SETDB2: variants seen among roughly 807,000 people sequenced by gnomAD.
SETDB2 encodes the protein histone-lysine N-methyltransferase SETDB2.
SETDB2 carries 56 observed loss-of-function variants against 82.5 expected under a neutral mutation model. The observed-to-expected ratio is 0.68, with a 90% CI of 0.55 to 0.85. SETDB2 has a LOEUF of 0.85. SETDB2 is among the 40% of genes least tolerant of loss of function. SETDB2 has a pLI of 0.00. For missense variants in SETDB2, 677 were observed against 816.4 expected, an observed-to-expected ratio of 0.83 and a Z score of 2.08; for synonymous variants, 272 against 284.9, an observed-to-expected ratio of 0.95 and a Z score of 0.46.
In SETDB2 at chr13:49,485,982, T is replaced by C; in HGVS notation, c.1576+259T>C. On this transcript the variant is annotated intron_variant, in intron 11 of 13. Transcript: ENST00000611815. The stretch of plus-strand genomic sequence containing the variant: ...TGAAAAAAATCAGAAGGTGATAATA[T>C]TTTGACACTTGAAAATTATATGAAA... 1.1e-5 allele frequency: 7 copies of C among 612,832 alleles called. No individual in the cohort carries two copies. The South Asian group carries it at 1.4e-4, about 12-fold the overall frequency. 38.0% of individuals were successfully genotyped at this position (612,832 alleles called of 1,614,324 possible).
Position 49,476,969 on chromosome 13 carries a change from G to T in SETDB2, c.799G>T (p.Ala267Ser), listed in dbSNP as rs752491374. 3.1e-6 allele frequency: 5 copies of T among 1,613,658 alleles called. No individual in the cohort carries two copies. The highest frequency in any genetic ancestry group is 4.2e-6 in the Non-Finnish European group (5 of 1,179,980). ...FKYRKTVWPR[A>S]YNLTNFSSMF... ...GTACAGAAAGACTGTGTGGCCTCGA[G>T]CATATAATCTAACCAACTTTTCCAG... The change falls in exon 6 of 14, where the codon GCA (alanine) becomes TCA (serine). Residue 267 changes from alanine (A) to serine (S), a missense_variant. Ala to Ser is a moderately conservative substitution (Grantham distance 99, BLOSUM62 1). This residue lies in a region of SETDB2 where 420 missense variants were observed against 554.6 expected (regional missense o/e 0.76). Coordinates refer to ENST00000611815, the MANE Select transcript of SETDB2 (RefSeq NM_001160308.3).
At chr13:49,474,467 T>C (rs1431600814) in intron 5 of SETDB2, among the ~76,000 whole-genome samples, 3 of 152,210 alleles carry the variant, frequency 2.0e-5, no homozygotes, top group African/African-American at 7.2e-5. Flanking sequence ...GACCTAGCAC[T>C]CCCACTTCTG....
chr13:49,474,495 A>C (rs1359910416), intron 5 of SETDB2, among the ~76,000 whole-genome samples: 1 of 152,246 alleles, frequency 6.6e-6, no homozygotes, highest in African/African-American at 2.4e-5. Context: ...GTTCTGCAAC[A>C]GTATCTAACA....
chr13:49,450,215 G>T (rs1957761260), intron 1 of SETDB2, among the ~76,000 whole-genome samples: 1 of 152,112 alleles, frequency 6.6e-6, no homozygotes, highest in Admixed American at 6.5e-5. Context: ...TTGCTTATGT[G>T]TTTTCCAGTT....
intron 1 of SETDB2, chr13:49,446,076 A>G (rs1957679578): frequency 3.8e-6 from 1 of 262,172 alleles, no homozygotes; most frequent in African/African-American, 2.4e-5. Context: ...AAATAAAACT[A>G]TTACTGAGTG....
At chr13:49,487,513 T>A (rs941381783) in intron 11 of SETDB2, among the ~76,000 whole-genome samples, 35 of 152,128 alleles carry the variant, frequency 2.3e-4, no homozygotes, top group African/African-American at 3.6e-4. Context: ...TTCTTTTTTT[T>A]AAAATTTTTT....
At chr13:49,469,073 A>G (rs932805014) in intron 5 of SETDB2, among the ~76,000 whole-genome samples, 2 of 152,198 alleles carry the variant, frequency 1.3e-5, no homozygotes, top group South Asian at 2.1e-4. Flanking sequence ...CCTGTGAAGT[A>G]TCATTTTTTG....
chr13:49,458,878 C>G (rs150128954), intron 2 of SETDB2, among the ~76,000 whole-genome samples: 154 of 152,352 alleles, frequency 1.0e-3, no homozygotes, highest in Non-Finnish European at 2.1e-3. Context: ...GAAAACATAA[C>G]TAATCACATC....
At chr13:49,447,447 C>T (rs1255046958) in intron 1 of SETDB2, among the ~76,000 whole-genome samples, 3 of 152,076 alleles carry the variant, frequency 2.0e-5, no homozygotes, top group African/African-American at 7.2e-5. Context: ...CTGTCTTCAT[C>T]TTGTGCCTAA....
intron 1 of SETDB2, among the ~76,000 whole-genome samples, chr13:49,450,862 A>G (rs1957771670): frequency 1.3e-5 from 2 of 151,754 alleles, no homozygotes; most frequent in African/African-American, 4.8e-5. Context: ...TGTATAAAGT[A>G]TATTTATTTT....
chr13:49,482,124 T>C (rs902988030), intron 8 of SETDB2: 1 of 985,298 alleles, frequency 1.0e-6, no homozygotes, highest in Non-Finnish European at 1.2e-6. Context: ...CCAGGTGGTG[T>C]CCAGGAAGTA....
In SETDB2 at chr13:49,476,627, C is replaced by G. The variant is rs1246469760; in HGVS notation, c.457C>G (p.Leu153Val). Residue 153 changes from leucine to valine, a missense_variant, in exon 6 of 14, where the codon CTG (leucine) becomes GTG (valine). Physicochemically the swap from Leu to Val is conservative, Grantham distance 32. Coordinates refer to ENST00000611815, the MANE Select transcript of SETDB2 (RefSeq NM_001160308.3). Reference protein sequence around the residue: ...MPLNLKGENPLQLPIKCHFQR... With the variant: ...MPLNLKGENPVQLPIKCHFQR... ...ACTGAACTTGAAGGGAGAAAACCCT[C>G]TGCAGCTGCCAATCAAATGTCACTT... is the stretch of plus-strand genomic sequence containing the variant. 2 of 1,614,200 alleles carry G rather than the reference C, an allele frequency of 1.2e-6. No individual in the cohort carries two copies. The highest frequency in any genetic ancestry group is 1.1e-5 in the South Asian group (1 of 91,086).
In SETDB2 at chr13:49,488,655, A is replaced by G. The variant is rs780986632; in HGVS notation, c.1917+25A>G. On this transcript the variant is annotated intron_variant, in intron 12 of 13. Transcript: ENST00000611815. The stretch of plus-strand genomic sequence containing the variant: ...TGTGAGTATAAGGGCTGAGATTCCT[A>G]TTTCTGAACAACTGTTTTTTTCTAT... 8.6e-6 allele frequency: 13 copies of G among 1,514,978 alleles called. No individual in the cohort carries two copies. In the African/African-American group the frequency reaches 1.1e-4, roughly 13 times the overall value. The allele number at this position is 1,514,978 out of a possible 1,614,324, so 93.8% of individuals were successfully genotyped here. A position where few individuals can be genotyped will look rare whatever the true frequency, so the allele number is the denominator to read the frequency against.
rs534784088 is a variant in SETDB2, at chr13:49,494,046, A to G, written c.*2197A>G. ...CCAGATGTTAGACCTCCAGAATTTGATCTCTAATTTTCCTATCTTTTCTCT... is the reference window on the plus strand; with the variant it reads ...CCAGATGTTAGACCTCCAGAATTTGGTCTCTAATTTTCCTATCTTTTCTCT... On this transcript the variant is annotated 3_prime_UTR_variant, in exon 14 of 14. Coordinates refer to ENST00000611815, the MANE Select transcript of SETDB2 (RefSeq NM_001160308.3). 6.6e-6 allele frequency: 1 copy of G among 151,824 alleles called. No homozygotes were observed. Among genetic ancestry groups the G allele is most frequent in the Non-Finnish European group, 1.5e-5 (1 of 67,978 alleles). The allele number at this position is 151,824 out of a possible 1,614,324, so 9.4% of individuals were successfully genotyped here.
chr13:49,461,660 G>A (rs115031912), intron 4 of SETDB2, among the ~76,000 whole-genome samples: 3,139 of 152,278 alleles, frequency 0.021, 103 homozygotes, highest in African/African-American at 0.072. Flanking sequence ...CCAAATGTGG[G>A]TTTTCCATGC....
chr13:49,457,170 G>T (rs199888576), intron 2 of SETDB2, among the ~76,000 whole-genome samples: 1 of 141,688 alleles, frequency 7.1e-6, no homozygotes, highest in African/African-American at 2.6e-5. Flanking sequence ...ATTTTAAGTA[G>T]TTCCTACCAG....
At chr13:49,478,959 G>A (rs553083631) in intron 6 of SETDB2, among the ~76,000 whole-genome samples, 4 of 152,184 alleles carry the variant, frequency 2.6e-5, no homozygotes, top group African/African-American at 9.6e-5. Flanking sequence ...TATATGAAGT[G>A]AGCAATACCT....
At position 49,483,581 on chromosome 13, in the gene SETDB2, T is replaced by A; in HGVS notation, c.1482+18T>A. The A allele has an allele frequency of 9.9e-7, 1 of 1,014,374 alleles. No homozygotes were observed. Among genetic ancestry groups the A allele is most frequent in the East Asian group, 2.7e-5 (1 of 36,506 alleles). 62.8% of individuals were successfully genotyped at this position (1,014,374 alleles called of 1,614,324 possible). ...AAAAAATGGTAAAAAATGCAAAATGTAGTTGGGACCCTTCTTTTCTTTTTT... is the reference window on the plus strand; with the variant it reads ...AAAAAATGGTAAAAAATGCAAAATGAAGTTGGGACCCTTCTTTTCTTTTTT... On this transcript the variant is annotated intron_variant, in intron 10 of 13. Transcript: ENST00000611815.
chr13:49,474,001 C>A (rs1262672067), intron 5 of SETDB2, among the ~76,000 whole-genome samples: 1 of 152,200 alleles, frequency 6.6e-6, no homozygotes, highest in Non-Finnish European at 1.5e-5. Flanking sequence ...GTGGCTCACA[C>A]CTATAACCCC....
Sources: gnomAD v4.1 joint callset for allele counts (sites outside exome capture counted in the v4.1 genomes callset) on GRCh38, gnomAD v4.1.1 for gene constraint, gnomAD v4.1.1 regional missense constraint, MANE v1.5 for transcripts, NCBI Gene and HGNC (gene_info 2026-07-23, HGNC 2026-07-21) for gene names.